SLC25A36: variants seen among roughly 807,000 people sequenced by gnomAD.
The protein encoded by SLC25A36 is solute carrier family 25 member 36.
SLC25A36 carries 24 observed loss-of-function variants against 35.3 expected under a neutral mutation model. That is an observed-to-expected ratio of 0.68 (90% CI 0.49 to 0.96). The LOEUF is 0.96. SLC25A36 is among the 40% of genes least tolerant of loss of function. The pLI is 0.00. For missense variants in SLC25A36, 294 were observed against 381.1 expected (o/e 0.77, Z 1.90); for synonymous variants, 141 against 132.2 (o/e 1.07, Z -0.46).
At chr3:140,954,312 C>T (rs1027043636) in intron 1 of SLC25A36, among the ~76,000 whole-genome samples, 1 of 152,122 alleles carries the variant, frequency 6.6e-6, no homozygotes, top group Non-Finnish European at 1.5e-5. Flanking sequence ...TTGGGTTGTT[C>T]CCAGTTTTTA....
At chr3:140,959,433 T>A (rs780065150) in intron 2 of SLC25A36, 30 bp from the exon 3 acceptor site, 3 of 1,240,912 alleles carry the variant, frequency 2.4e-6, no homozygotes, top group Non-Finnish European at 3.3e-6. Flanking sequence ...TGAAAGATAT[T>A]TCTGATAGAA....
chr3:140,959,826 CTA>C (rs2107797933), intron 3 of SLC25A36, among the ~76,000 whole-genome samples: 1 of 152,068 alleles, frequency 6.6e-6, no homozygotes, highest in South Asian at 2.1e-4. Flanking sequence ...AATACAAAGG[CTA>C]TGTTTCATAA....
chr3:140,972,010 C>T (rs1338058342), intron 5 of SLC25A36, among the ~76,000 whole-genome samples: 1 of 152,124 alleles, frequency 6.6e-6, no homozygotes, highest in East Asian at 1.9e-4. Context: ...AAAGAAATAT[C>T]TAATTGTTTC....
rs1433673516 is a variant in SLC25A36 at position 140,980,587 on chromosome 3, C to T, written c.*4134C>T. Among the ~76,000 whole-genome samples the T allele has an allele frequency of 6.6e-6, 1 of 151,880 alleles. No homozygotes were observed. The highest frequency in any genetic ancestry group is 1.9e-4 in the East Asian group (1 of 5,186). On this transcript the variant is annotated 3_prime_UTR_variant, in exon 7 of 7. Transcript: ENST00000324194. The stretch of plus-strand genomic sequence containing the variant: ...TGTGTTTATTACTGAACATTGGGAG[C>T]CGTGATAGGGAAGTAATTTGTGAGT...
In SLC25A36 at chr3:140,960,386, C is replaced by G. The variant is rs145484474; in HGVS notation, c.284+846C>G. 7.5e-3 allele frequency among the ~76,000 whole-genome samples: 1,140 copies of G among 152,266 alleles called. 34 individuals carry two copies. The highest frequency in any genetic ancestry group is 5.0e-3 in the Non-Finnish European group (342 of 68,016). ...CCAAAAGGCATTTAGGATATCTCGACTTTTTCTGCTTTTCATAGCTGTCCT... is the reference window on the plus strand; with the variant it reads ...CCAAAAGGCATTTAGGATATCTCGAGTTTTTCTGCTTTTCATAGCTGTCCT... On this transcript the variant is annotated intron_variant, in intron 3 of 6. Coordinates refer to ENST00000324194, the MANE Select transcript of SLC25A36 (RefSeq NM_001104647.3).
At chr3:140,950,104 A>G (rs146551739) in intron 1 of SLC25A36, among the ~76,000 whole-genome samples, 95 of 152,196 alleles carry the variant, frequency 6.2e-4, no homozygotes, top group African/African-American at 2.3e-3. Context: ...TCCTCTCAAT[A>G]TATAATTTGA....
At chr3:140,943,254 A>G (rs900816444) in intron 1 of SLC25A36, among the ~76,000 whole-genome samples, 2 of 152,250 alleles carry the variant, frequency 1.3e-5, no homozygotes, top group African/African-American at 4.8e-5. Flanking sequence ...AGAATATGAA[A>G]GAAATACACA....
In SLC25A36 at chr3:140,979,662, T is replaced by C. The variant is rs972127952; in HGVS notation, c.*3209T>C. The C allele has an allele frequency of 6.6e-6, 1 of 152,218 alleles. No individual in the cohort carries two copies. Among genetic ancestry groups the C allele is most frequent in the African/African-American group, 2.4e-5 (1 of 41,472 alleles). The allele number at this position is 152,218 out of a possible 1,614,324, so 9.4% of individuals were successfully genotyped here. A position where few individuals can be genotyped will look rare whatever the true frequency, so the allele number is the denominator to read the frequency against. Reference sequence around the variant, plus strand: ...CCATTAACCTACACACTGATTTTTATGCTACTCCTTGTAGAAACAAAATTC... The same window carrying C: ...CCATTAACCTACACACTGATTTTTACGCTACTCCTTGTAGAAACAAAATTC... On this transcript the variant is annotated 3_prime_UTR_variant, in exon 7 of 7. Coordinates refer to ENST00000324194, the MANE Select transcript of SLC25A36 (RefSeq NM_001104647.3).
chr3:140,968,844 T>C lies in SLC25A36; in HGVS notation c.386-2083T>C, dbSNP rs149973112. The stretch of plus-strand genomic sequence containing the variant: ...AATAAGATGAATGAGAATTTTTACC[T>C]AGATTGGCTGTTTTTTAAAAAGTTT... On this transcript the variant is annotated intron_variant, in intron 4 of 6. Transcript: ENST00000324194. 9.1e-5 allele frequency: 33 copies of C among 361,314 alleles called. No individual in the cohort carries two copies. The East Asian group carries it at 5.0e-3, about 55-fold the overall frequency. 22.4% of individuals were successfully genotyped at this position (361,314 alleles called of 1,614,324 possible).
intron 1 of SLC25A36, among the ~76,000 whole-genome samples, chr3:140,947,006 G>A (rs1934184626): frequency 6.6e-6 from 1 of 152,134 alleles, no homozygotes; most frequent in African/African-American, 2.4e-5. Flanking sequence ...AAGAGATCAA[G>A]AGAAGAGGAA....
chr3:140,972,463 A>G (rs1421921036), intron 5 of SLC25A36, among the ~76,000 whole-genome samples: 9 of 151,572 alleles, frequency 5.9e-5, no homozygotes, highest in Non-Finnish European at 1.3e-4. Context: ...GAGTTTAAGA[A>G]CAGCCTGGGC....
intron 4 of SLC25A36, chr3:140,967,905 C>A: frequency 1.2e-6 from 1 of 813,808 alleles, no homozygotes; most frequent in Non-Finnish European, 1.5e-6. Context: ...TTTCATGTTT[C>A]ACTAGGTGCT....
chr3:140,954,797 T>A (rs1021282671), intron 1 of SLC25A36, among the ~76,000 whole-genome samples: 3 of 152,212 alleles, frequency 2.0e-5, no homozygotes, highest in Non-Finnish European at 4.4e-5. Context: ...GTTTCTTTCA[T>A]TGTGTTAGCA....
At chr3:140,966,799 C>T (rs1576485760) in intron 4 of SLC25A36, 1 of 377,392 alleles carries the variant, frequency 2.6e-6, no homozygotes, top group Non-Finnish European at 5.4e-6. Flanking sequence ...TTTTTTTTAA[C>T]TTAAAATTTT....
At chr3:140,957,973 G>A (rs544189862) in intron 2 of SLC25A36, among the ~76,000 whole-genome samples, 5 of 152,110 alleles carry the variant, frequency 3.3e-5, no homozygotes, top group African/African-American at 4.8e-5. Flanking sequence ...TTTTTCAGGC[G>A]CTCTTTTAAG....
chr3:140,962,913 G>A (rs1038489783), intron 3 of SLC25A36, among the ~76,000 whole-genome samples: 7 of 151,540 alleles, frequency 4.6e-5, no homozygotes, highest in African/African-American at 1.7e-4. Flanking sequence ...ATGAATGGTA[G>A]GAATTTTACA....
Position 140,978,268 on chromosome 3 carries a change from T to C in SLC25A36, c.*1815T>C, listed in dbSNP as rs913888433. 19 of 152,196 alleles carry C rather than the reference T, an allele frequency of 1.2e-4. No individual in the cohort carries two copies. The highest frequency in any genetic ancestry group is 4.6e-4 in the African/African-American group (19 of 41,464). 9.4% of individuals were successfully genotyped at this position (152,196 alleles called of 1,614,324 possible). ...ATCAGTTTTCTTACCTTTGGAATTA[T>C]TCGTACCTTTTATGGTAAATTTCAG... On this transcript the variant is annotated 3_prime_UTR_variant, in exon 7 of 7. Transcript: ENST00000324194.
Position 140,979,756 on chromosome 3 carries a change from C to T in SLC25A36, c.*3303C>T, listed in dbSNP as rs1935141733. On this transcript the variant is annotated 3_prime_UTR_variant, in exon 7 of 7. Coordinates refer to ENST00000324194, the MANE Select transcript of SLC25A36 (RefSeq NM_001104647.3). ...ACCCCGTTTATGTGAAGAATTATGA[C>T]CTATCAGTCATAGCTAAATAGTGAA... 2 of 152,156 alleles carry T rather than the reference C, an allele frequency of 1.3e-5. No individual in the cohort carries two copies. Among genetic ancestry groups the T allele is most frequent in the South Asian group, 4.2e-4 (2 of 4,818 alleles). 9.4% of individuals were successfully genotyped at this position (152,156 alleles called of 1,614,324 possible).
chr3:140,967,909 AGGT>A (rs1934804103), intron 4 of SLC25A36: 1 of 830,030 alleles, frequency 1.2e-6, no homozygotes, highest in Admixed American at 6.2e-5. Context: ...ATGTTTCACT[AGGT>A]GCTCAGAATC....
Sources: gnomAD v4.1 joint callset for allele counts (sites outside exome capture counted in the v4.1 genomes callset) on GRCh38, gnomAD v4.1.1 for gene constraint, MANE v1.5 for transcripts, NCBI Gene and HGNC (gene_info 2026-07-23, HGNC 2026-07-21) for gene names.